Variants in BAZ2B observed in about 807,000 individuals in gnomAD.
BAZ2B encodes the protein bromodomain adjacent to zinc finger domain protein 2B.
A neutral mutation model predicts 246.0 loss-of-function variants in BAZ2B; 91 were observed. That is an observed-to-expected ratio of 0.37 (90% CI 0.31 to 0.44). The LOEUF (loss-of-function observed/expected upper bound fraction) is 0.44, where lower values mean the gene tolerates loss of function less well. Ranked by LOEUF, BAZ2B falls within the 20% of genes least tolerant of loss-of-function variation. The pLI is 1.00. For missense variants in BAZ2B, 2,332 were observed against 2,533.7 expected (o/e 0.92, Z 1.71); for synonymous variants, 855 against 860.0 (o/e 0.99, Z 0.10).
the BAZ2B span, among the ~76,000 whole-genome samples, chr2:159,706,169 CAA>C: frequency 6.6e-6 from 1 of 151,282 alleles, no homozygotes; most frequent in South Asian, 2.1e-4. Flanking sequence ...AGTAGTTGGT[CAA>C]CATGAGCTGC....
the BAZ2B span, among the ~76,000 whole-genome samples, chr2:159,708,089 T>A: frequency 1.3e-5 from 2 of 151,962 alleles, no homozygotes; most frequent in African/African-American, 4.8e-5. Flanking sequence ...GGAGGGAGGA[T>A]CACTTGAGGC....
chr2:159,339,522 A>C (rs770044663), intron 31 of BAZ2B, among the ~76,000 whole-genome samples: 2 of 152,194 alleles, frequency 1.3e-5, no homozygotes, highest in African/African-American at 2.4e-5. Context: ...TTCCTCAAAA[A>C]TCTAAAAATA....
rs1354277898 is a variant in BAZ2B at position 159,548,751 on chromosome 2, A to T, written c.-3+7072T>A. Among the ~76,000 whole-genome samples the T allele has an allele frequency of 3.3e-5, 5 of 152,240 alleles. No homozygotes were observed. In the East Asian group the frequency reaches 9.6e-4, roughly 29 times the overall value. On this transcript the variant is annotated intron_variant, in intron 2 of 36. Coordinates refer to ENST00000392783, the MANE Select transcript of BAZ2B (RefSeq NM_013450.4). The stretch of plus-strand genomic sequence containing the variant: ...GAGTTTGAGGTTCCAGTGAGCTATG[A>T]TTGTGCCACTGTAGTCCAGCCTGGG...
At chr2:159,501,908 C>T (rs372063109) in intron 2 of BAZ2B, among the ~76,000 whole-genome samples, 3 of 152,024 alleles carry the variant, frequency 2.0e-5, no homozygotes, top group Admixed American at 6.6e-5. Context: ...TCATAATAGC[C>T]CCAAAGCAAA....
At chr2:159,433,459 T>C (rs1473335603) in intron 8 of BAZ2B, 96 bp from the exon 9 acceptor site, 2 of 1,066,236 alleles carry the variant, frequency 1.9e-6, no homozygotes, top group Admixed American at 5.3e-5. Context: ...TTATAGCTAT[T>C]ATATCATATA....
intron 30 of BAZ2B, 65 bp downstream of exon 30, chr2:159,348,613 G>C (rs1428459299): frequency 6.6e-7 from 1 of 1,514,396 alleles, no homozygotes; most frequent in Non-Finnish European, 8.8e-7. Context: ...CTAAAATATG[G>C]TTTAGAATAA....
At chr2:159,406,904 G>A (rs943628619) in intron 14 of BAZ2B, among the ~76,000 whole-genome samples, 2 of 151,718 alleles carry the variant, frequency 1.3e-5, no homozygotes, top group Admixed American at 6.6e-5. Context: ...ACAGGCGCCC[G>A]CCACCACGCC....
chr2:159,493,101 C>T (rs997523320), intron 2 of BAZ2B, among the ~76,000 whole-genome samples: 6 of 152,166 alleles, frequency 3.9e-5, no homozygotes, highest in Non-Finnish European at 7.3e-5. Context: ...ATCAGGTCCA[C>T]TCATTACATT....
intron 34 of BAZ2B, among the ~76,000 whole-genome samples, chr2:159,326,827 GAA>G (rs951107166): frequency 1.3e-5 from 2 of 151,732 alleles, no homozygotes; most frequent in Non-Finnish European, 2.9e-5. Flanking sequence ...TATTCATAGA[GAA>G]AAAAAATCTG....
rs114815597 is a variant in BAZ2B, at chr2:159,342,426, T to C, written c.5455-4654A>G. On this transcript the variant is annotated intron_variant, in intron 31 of 36. Transcript: ENST00000392783. ...TCAGCCTCCCAAGTAGCTGGGACTA[T>C]AGGCACGTGTCACTACGCCCACCTA... Among the ~76,000 whole-genome samples, 1,055 of 152,222 alleles carry C rather than the reference T, an allele frequency of 6.9e-3. 9 individuals carry two copies. The highest frequency in any genetic ancestry group is 0.012 in the Non-Finnish European group (813 of 67,998).
the BAZ2B span, among the ~76,000 whole-genome samples, chr2:159,629,074 A>C: frequency 6.6e-6 from 1 of 152,240 alleles, no homozygotes; most frequent in Non-Finnish European, 1.5e-5. Context: ...TATGAAAAAA[A>C]GCTCATCATC....
chr2:159,345,243 A>G (rs1410698588), intron 31 of BAZ2B, among the ~76,000 whole-genome samples: 1 of 152,030 alleles, frequency 6.6e-6, no homozygotes, highest in African/African-American at 2.4e-5. Context: ...AATTATTGGT[A>G]GGTAGGAGAA....
chr2:159,383,658 A>G lies in BAZ2B; in HGVS notation c.3709T>C (p.Tyr1237His). The change falls in exon 24 of 37, where the codon TAT becomes CAT. Residue 1237 changes from tyrosine to histidine, a missense_variant. By Grantham distance (83) the Tyr-to-His change is moderately conservative (BLOSUM62 2). Transcript: ENST00000392783. The part of the protein sequence containing the change: ...VVSEIDKNID[Y>H]MSNLRRDKWV... ...TTATCTCTCCTCAAGTTTGACATAT[A>G]ATCAATGTTCTTGTCGATTTCACTG... The G allele has an allele frequency of 6.2e-7, 1 of 1,611,634 alleles. No homozygotes were observed. Among genetic ancestry groups the G allele is most frequent in the Non-Finnish European group, 8.5e-7 (1 of 1,178,730 alleles).
intron 1 of BAZ2B, among the ~76,000 whole-genome samples, chr2:159,580,173 T>C (rs1293491666): frequency 1.3e-5 from 2 of 152,224 alleles, no homozygotes; most frequent in East Asian, 3.8e-4. Flanking sequence ...GAAAACCCCA[T>C]CGTCTCAGCC....
At chr2:159,413,723 A>G (rs1394739094) in intron 13 of BAZ2B, among the ~76,000 whole-genome samples, 1 of 152,120 alleles carries the variant, frequency 6.6e-6, no homozygotes, top group African/African-American at 2.4e-5. Flanking sequence ...TAAATAAATA[A>G]ATAAATAGAT....
intron 1 of BAZ2B, among the ~76,000 whole-genome samples, chr2:159,602,460 TA>T (rs1220802037): frequency 6.6e-6 from 1 of 152,212 alleles, no homozygotes; most frequent in Non-Finnish European, 1.5e-5. Context: ...TAAATTATAA[TA>T]GGGTAATAAA....
intron 2 of BAZ2B, among the ~76,000 whole-genome samples, chr2:159,548,724 AG>A (rs2087714629): frequency 6.6e-6 from 1 of 152,162 alleles, no homozygotes; most frequent in Non-Finnish European, 1.5e-5. Context: ...GCTTGAGGCC[AG>A]GAGTTTGAGG....
chr2:159,573,550 C>T (rs565966281), intron 1 of BAZ2B, among the ~76,000 whole-genome samples: 2 of 152,226 alleles, frequency 1.3e-5, no homozygotes, highest in Non-Finnish European at 2.9e-5. Flanking sequence ...GAGGTAAAAA[C>T]GTAAAATTCC....
At chr2:159,504,106 T>C (rs1338879493) in intron 2 of BAZ2B, among the ~76,000 whole-genome samples, 1 of 151,204 alleles carries the variant, frequency 6.6e-6, no homozygotes, top group Non-Finnish European at 1.5e-5. Context: ...AAGAGATGCA[T>C]GTTGGCACTT....
Sources: allele counts gnomAD v4.1 joint callset (sites outside exome capture counted in the v4.1 genomes callset), GRCh38; gene constraint gnomAD v4.1.1; transcripts MANE v1.5; gene names NCBI Gene and HGNC (gene_info 2026-07-23, HGNC 2026-07-21).